PTPRO: variants seen among roughly 807,000 people sequenced by gnomAD.
The protein encoded by PTPRO is receptor-type tyrosine-protein phosphatase O.
A neutral mutation model predicts 145.2 loss-of-function variants in PTPRO; 62 were observed. The ratio of observed to expected loss-of-function variants is 0.43; its 90% confidence interval spans 0.35 to 0.53. PTPRO has a LOEUF of 0.53. PTPRO is among the 20% of genes least tolerant of loss of function. The probability of loss-of-function intolerance (pLI) is 0.01; values close to 1 mark genes in which losing one functional copy is unlikely to be tolerated. For missense variants in PTPRO, 1,345 were observed against 1,482.7 expected, an observed-to-expected ratio of 0.91 and a Z score of 1.53; for synonymous variants, 565 against 514.7, an observed-to-expected ratio of 1.10 and a Z score of -1.32.
At chr12:15,476,504 A>G (rs1941657456) in intron 1 of PTPRO, among the ~76,000 whole-genome samples, 1 of 151,084 alleles carries the variant, frequency 6.6e-6, no homozygotes, top group South Asian at 2.1e-4. Context: ...ATTTTCTCCC[A>G]TGTTGTAGGT....
intron 12 of PTPRO, among the ~76,000 whole-genome samples, chr12:15,535,985 A>G (rs918512032): frequency 6.6e-6 from 1 of 152,218 alleles, no homozygotes; most frequent in African/African-American, 2.4e-5. Flanking sequence ...TTATAGATAC[A>G]TAGAAATCTG....
At chr12:15,414,767 G>A (rs1939896726) in intron 1 of PTPRO, among the ~76,000 whole-genome samples, 1 of 152,190 alleles carries the variant, frequency 6.6e-6, no homozygotes, top group Non-Finnish European at 1.5e-5. Flanking sequence ...AGAAAGTATA[G>A]ACTAATTGTT....
intron 22 of PTPRO, among the ~76,000 whole-genome samples, chr12:15,581,291 G>A (rs1372364991): frequency 7.3e-6 from 1 of 137,012 alleles, no homozygotes; most frequent in Non-Finnish European, 1.5e-5. Context: ...TGCGTTCTGA[G>A]TGCTTTCTTT....
intron 1 of PTPRO, among the ~76,000 whole-genome samples, chr12:15,344,080 A>C (rs1253627851): frequency 2.0e-5 from 3 of 152,230 alleles, no homozygotes; most frequent in Non-Finnish European, 4.4e-5. Flanking sequence ...AATCATTGTC[A>C]GGTTCTAACT....
At chr12:15,482,801 T>C (rs253844) in intron 1 of PTPRO, among the ~76,000 whole-genome samples, 3,021 of 152,210 alleles carry the variant, frequency 0.02, 115 homozygotes, top group East Asian at 0.14. Flanking sequence ...ATGTGTTATA[T>C]GACAGACTCA....
At chr12:15,556,609 C>A (rs71459184) in intron 15 of PTPRO, among the ~76,000 whole-genome samples, 4,438 of 152,054 alleles carry the variant, frequency 0.029, 108 homozygotes, top group Middle Eastern at 0.051. Context: ...ATACATTCCA[C>A]TCTTTTATTC....
rs575995210 is a variant in PTPRO at position 15,416,950 on chromosome 12, A to G, written c.76-67024A>G. ...AAAAGTGCCTGGATATAAGTTTTAC[A>G]TTAAGGTTCGGTCTATACACAATCA... On this transcript the variant is annotated intron_variant, in intron 1 of 26. Transcript: ENST00000281171. Among the ~76,000 whole-genome samples the G allele has an allele frequency of 1.1e-4, 16 of 151,792 alleles. No homozygotes were observed. The South Asian group carries it at 3.3e-3, about 31-fold the overall frequency.
chr12:15,505,611 G>A (rs1247854319), intron 6 of PTPRO, among the ~76,000 whole-genome samples: 2 of 152,110 alleles, frequency 1.3e-5, no homozygotes, highest in African/African-American at 4.8e-5. Flanking sequence ...CTGTTCTGTG[G>A]TAATGAGCTA....
intron 5 of PTPRO, among the ~76,000 whole-genome samples, chr12:15,502,956 T>C (rs79860969): frequency 0.017 from 2,521 of 152,238 alleles, 90 homozygotes; most frequent in African/African-American, 0.058. Context: ...TGACATATTG[T>C]TTACTCCTAT....
intron 12 of PTPRO, among the ~76,000 whole-genome samples, chr12:15,529,154 T>C (rs1353708603): frequency 6.6e-6 from 1 of 152,156 alleles, no homozygotes; most frequent in Admixed American, 6.5e-5. Context: ...ATAACTCTGG[T>C]ATAAAGCCCA....
At chr12:15,349,298 C>T (rs1937712558) in intron 1 of PTPRO, among the ~76,000 whole-genome samples, 1 of 152,068 alleles carries the variant, frequency 6.6e-6, no homozygotes, top group Non-Finnish European at 1.5e-5. Flanking sequence ...CCATGTTAAG[C>T]TAAGAAGGAG....
At chr12:15,557,304 A>G in intron 15 of PTPRO, 151 bp from the exon 16 acceptor site, 2 of 715,430 alleles carry the variant, frequency 2.8e-6, no homozygotes, top group Non-Finnish European at 4.9e-6. Flanking sequence ...TACTGGGATT[A>G]CAGGCGTGAG....
chr12:15,535,205 G>A (rs1481956515), intron 12 of PTPRO, among the ~76,000 whole-genome samples: 1 of 152,116 alleles, frequency 6.6e-6, no homozygotes, highest in Non-Finnish European at 1.5e-5. Flanking sequence ...ATGATTATTG[G>A]ATATCCCGGT....
At chr12:15,562,429 C>T (rs774863547) in intron 17 of PTPRO, among the ~76,000 whole-genome samples, 9 of 152,154 alleles carry the variant, frequency 5.9e-5, no homozygotes, top group Non-Finnish European at 1.3e-4. Flanking sequence ...CGCACACTGC[C>T]TAACACACTG....
At chr12:15,405,345 C>T (rs1315448277) in intron 1 of PTPRO, among the ~76,000 whole-genome samples, 1 of 151,592 alleles carries the variant, frequency 6.6e-6, no homozygotes, top group African/African-American at 2.4e-5. Flanking sequence ...TATTTGCCTG[C>T]ATTAAGTTTG....
chr12:15,404,668 A>C (rs922742988), intron 1 of PTPRO, among the ~76,000 whole-genome samples: 3 of 152,176 alleles, frequency 2.0e-5, no homozygotes, highest in Non-Finnish European at 4.4e-5. Flanking sequence ...ATAATCTGAG[A>C]CTAAGAGAAA....
chr12:15,370,847 T>C (rs1287185795), intron 1 of PTPRO, among the ~76,000 whole-genome samples: 1 of 152,246 alleles, frequency 6.6e-6, no homozygotes, highest in African/African-American at 2.4e-5. Context: ...TGAAAAAAAG[T>C]TCATTGAAAC....
intron 1 of PTPRO, among the ~76,000 whole-genome samples, chr12:15,465,753 G>A (rs1361219920): frequency 1.3e-5 from 2 of 152,198 alleles, no homozygotes; most frequent in Non-Finnish European, 2.9e-5. Flanking sequence ...GGAGACTGGG[G>A]AGTTTGGCTA....
At chr12:15,358,411 A>G (rs1414077730) in intron 1 of PTPRO, among the ~76,000 whole-genome samples, 1 of 152,154 alleles carries the variant, frequency 6.6e-6, no homozygotes, top group Non-Finnish European at 1.5e-5. Context: ...TGATCTATGC[A>G]TTCCTGAGCC....
Sources: allele counts gnomAD v4.1 joint callset (sites outside exome capture counted in the v4.1 genomes callset), GRCh38; gene constraint gnomAD v4.1.1; transcripts MANE v1.5; gene names NCBI Gene and HGNC (gene_info 2026-07-23, HGNC 2026-07-21).